GPATCH2: variants seen among roughly 807,000 people sequenced by gnomAD.
GPATCH2 encodes G patch domain-containing protein 2.
Under a neutral mutation model 58.0 loss-of-function variants are expected in GPATCH2, and 51 were observed. That is an observed-to-expected ratio of 0.88 (90% CI 0.70 to 1.11). The LOEUF (loss-of-function observed/expected upper bound fraction) is 1.11. GPATCH2 is among the 50% of genes most tolerant of loss of function. The pLI is 0.00. For synonymous variants in GPATCH2, 222 were observed against 218.5 expected, an observed-to-expected ratio of 1.02 and a Z score of -0.14; for missense variants, 625 against 652.2, an observed-to-expected ratio of 0.96 and a Z score of 0.45.
intron 8 of GPATCH2, among the ~76,000 whole-genome samples, chr1:217,465,607 T>C (rs1046291048): frequency 1.3e-4 from 20 of 152,182 alleles, no homozygotes; most frequent in Admixed American, 8.5e-4. Flanking sequence ...TTATCAGGGG[T>C]TTCTGGTTTT....
At chr1:217,625,990 A>G (rs971802014) in intron 1 of GPATCH2, among the ~76,000 whole-genome samples, 1 of 152,132 alleles carries the variant, frequency 6.6e-6, no homozygotes, top group Non-Finnish European at 1.5e-5. Flanking sequence ...TCAAAAAAAA[A>G]CCTTCCGGAT....
intron 5 of GPATCH2, among the ~76,000 whole-genome samples, chr1:217,554,887 C>T (rs1156748037): frequency 6.6e-6 from 1 of 152,106 alleles, no homozygotes; most frequent in Non-Finnish European, 1.5e-5. Context: ...AAACTTTTCC[C>T]TGCAAAATAG....
At chr1:217,629,117 G>C (rs2102862674) in intron 1 of GPATCH2, among the ~76,000 whole-genome samples, 1 of 151,926 alleles carries the variant, frequency 6.6e-6, no homozygotes, top group East Asian at 1.9e-4. Flanking sequence ...TATTCCCAGT[G>C]GGACTGGAAT....
chr1:217,562,972 T>C (rs182238024), intron 5 of GPATCH2, among the ~76,000 whole-genome samples: 133 of 151,938 alleles, frequency 8.8e-4, no homozygotes, highest in African/African-American at 3.1e-3. Context: ...TAAACTTCTG[T>C]TGTTATTGCT....
At chr1:217,627,456 T>G (rs1669525036) in intron 1 of GPATCH2, among the ~76,000 whole-genome samples, 1 of 152,062 alleles carries the variant, frequency 6.6e-6, no homozygotes, top group Non-Finnish European at 1.5e-5. Flanking sequence ...AAAAAAAATT[T>G]TAAATCCCAA....
chr1:217,627,293 G>A (rs757800958), intron 1 of GPATCH2, among the ~76,000 whole-genome samples: 4 of 151,904 alleles, frequency 2.6e-5, no homozygotes, highest in Non-Finnish European at 4.4e-5. Flanking sequence ...AACCATACTG[G>A]GAATCTTGAG....
At position 217,611,042 on chromosome 1, in the gene GPATCH2, C is replaced by T. The variant is rs775826143; in HGVS notation, c.865G>A (p.Glu289Lys). 4.3e-6 allele frequency: 7 copies of T among 1,613,242 alleles called. No homozygotes were observed. Among genetic ancestry groups the T allele is most frequent in the South Asian group, 1.1e-5 (1 of 91,022 alleles). The change falls in exon 4 of 10, where the codon GAA (glutamate) becomes AAA (lysine). Residue 289 changes from glutamate (E) to lysine (K), a missense_variant. Transcript: ENST00000366935. ...GDDEQSDWFY[E>K]KESGGACGIT... ...CCACATGCTCCACCTGATTCCTTTT[C>T]GTAGAACCAGTCACTCTGTTCATCA...
At chr1:217,511,689 T>C (rs2102574519) in intron 6 of GPATCH2, among the ~76,000 whole-genome samples, 1 of 152,066 alleles carries the variant, frequency 6.6e-6, no homozygotes, top group East Asian at 1.9e-4. Flanking sequence ...GATGGGAAAA[T>C]TTCAGATATT....
intron 6 of GPATCH2, among the ~76,000 whole-genome samples, chr1:217,511,938 TC>T (rs1184262457): frequency 6.6e-6 from 1 of 151,956 alleles, no homozygotes; most frequent in Non-Finnish European, 1.5e-5. Context: ...AAGAGTGGGG[TC>T]TGTAAGGGAC....
Position 217,515,926 on chromosome 1 carries a change from G to C in GPATCH2, c.1099-1037C>G, listed in dbSNP as rs72745402. Reference sequence around the variant, plus strand: ...ACATTTAAATATATACAAAAACTTAGATCAAGGAAGTGGTGAGCAGCCCTT... The same window carrying C: ...ACATTTAAATATATACAAAAACTTACATCAAGGAAGTGGTGAGCAGCCCTT... On this transcript the variant is annotated intron_variant, in intron 5 of 9. Coordinates refer to ENST00000366935, the MANE Select transcript of GPATCH2 (RefSeq NM_018040.5). Among the ~76,000 whole-genome samples, 1,378 of 152,124 alleles carry C rather than the reference G, an allele frequency of 9.1e-3. 11 individuals carry two copies. The highest frequency in any genetic ancestry group is 0.017 in the Middle Eastern group (5 of 294).
chr1:217,526,377 A>G (rs950008226), intron 5 of GPATCH2, among the ~76,000 whole-genome samples: 3 of 152,178 alleles, frequency 2.0e-5, no homozygotes, highest in African/African-American at 4.8e-5. Flanking sequence ...CATTAATTGC[A>G]CTAAAAATTT....
At chr1:217,580,159 T>C (rs568109790) in intron 5 of GPATCH2, among the ~76,000 whole-genome samples, 1 of 152,332 alleles carries the variant, frequency 6.6e-6, no homozygotes, top group South Asian at 2.1e-4. Flanking sequence ...GAACTTACTA[T>C]AGTTAAAATT....
intron 1 of GPATCH2, among the ~76,000 whole-genome samples, chr1:217,627,606 G>C (rs1168690659): frequency 3.3e-5 from 5 of 151,888 alleles, no homozygotes; most frequent in Admixed American, 2.6e-4. Context: ...TTCAATCACG[G>C]GTGCTCCTGG....
At chr1:217,594,470 T>C (rs1667728983) in intron 5 of GPATCH2, among the ~76,000 whole-genome samples, 1 of 152,144 alleles carries the variant, frequency 6.6e-6, no homozygotes, top group South Asian at 2.1e-4. Context: ...CAAATTATTA[T>C]AATAATCACA....
intron 5 of GPATCH2, among the ~76,000 whole-genome samples, chr1:217,586,232 T>C (rs532569165): frequency 1.8e-4 from 28 of 152,362 alleles, no homozygotes; most frequent in Non-Finnish European, 2.9e-4. Context: ...AACTTTTAAC[T>C]TTATCAACCT....
In GPATCH2 at chr1:217,443,151, C is replaced by G. The variant is rs149924005; in HGVS notation, c.1366+6098G>C. On this transcript the variant is annotated intron_variant, in intron 9 of 9. Coordinates refer to ENST00000366935, the MANE Select transcript of GPATCH2 (RefSeq NM_018040.5). ...ATATTAATTTAGCTTTTAGTACACG[C>G]TCAACAATTTCTTTGCTCACCATTA... is the stretch of plus-strand genomic sequence containing the variant. Among the ~76,000 whole-genome samples the G allele has an allele frequency of 2.0e-3, 301 of 152,272 alleles. 2 individuals are homozygous for G. Among genetic ancestry groups the G allele is most frequent in the Non-Finnish European group, 3.6e-3 (248 of 67,992 alleles).
At chr1:217,610,164 A>T in intron 5 of GPATCH2, 157 bp downstream of exon 5, 1 of 1,572,570 alleles carries the variant, frequency 6.4e-7, no homozygotes, top group Non-Finnish European at 8.6e-7. Context: ...TTTGGTTTAT[A>T]GGGGAATCTC....
chr1:217,466,235 G>T (rs191757404), intron 8 of GPATCH2, among the ~76,000 whole-genome samples: 1 of 151,048 alleles, frequency 6.6e-6, no homozygotes, highest in Non-Finnish European at 1.5e-5. Flanking sequence ...ATATATTTAC[G>T]TATAGAACTA....
At chr1:217,562,281 G>C (rs1665967055) in intron 5 of GPATCH2, among the ~76,000 whole-genome samples, 1 of 152,152 alleles carries the variant, frequency 6.6e-6, no homozygotes, top group African/African-American at 2.4e-5. Flanking sequence ...ACATGGAGTA[G>C]AGCATATTAT....
Sources: allele counts gnomAD v4.1 joint callset (sites outside exome capture counted in the v4.1 genomes callset), GRCh38; gene constraint gnomAD v4.1.1; transcripts MANE v1.5; gene names NCBI Gene and HGNC (gene_info 2026-07-23, HGNC 2026-07-21).